The following PSMF1 variants were observed in gnomAD, a reference collection of about 807,000 sequenced individuals.
PSMF1 encodes the protein proteasome inhibitor subunit 1.
In PSMF1, 30 loss-of-function variants were observed where a neutral mutation model predicts 29.3. The ratio of observed to expected loss-of-function variants is 1.02; its 90% CI spans 0.77 to 1.39. The LOEUF (loss-of-function observed/expected upper bound fraction) is 1.39, where lower values mean the gene tolerates loss of function less well. PSMF1 is among the 40% of genes most tolerant of loss of function. The probability of loss-of-function intolerance (pLI) is 0.00; values close to 1 mark genes in which losing one functional copy is unlikely to be tolerated. For missense variants in PSMF1, 344 were observed against 357.5 expected (o/e 0.96, Z 0.31); for synonymous variants, 134 against 139.7 (o/e 0.96, Z 0.29).
upstream of PSMF1, among the ~76,000 whole-genome samples, chr20:1,116,940 G>A (rs575378166): frequency 3.2e-4 from 49 of 152,318 alleles, no homozygotes; most frequent in Non-Finnish European, 1.2e-4. Flanking sequence ...CCAGGAAGAG[G>A]AACGCAAAGG....
At chr20:1,151,680 A>G (rs1342246127) in intron 4 of PSMF1, among the ~76,000 whole-genome samples, 1 of 152,218 alleles carries the variant, frequency 6.6e-6, no homozygotes, top group Non-Finnish European at 1.5e-5. Flanking sequence ...TTCATTCCAG[A>G]TCATAAATCT....
chr20:1,146,806 G>A (rs1370005533), intron 4 of PSMF1, among the ~76,000 whole-genome samples: 1 of 152,180 alleles, frequency 6.6e-6, no homozygotes, highest in Non-Finnish European at 1.5e-5. Context: ...AATAATTATA[G>A]CTGTGTCAAA....
chr20:1,135,345 T>A, intron 4 of PSMF1, 39 bp downstream of exon 4: 1 of 1,554,794 alleles, frequency 6.4e-7, no homozygotes, highest in Non-Finnish European at 8.7e-7. Flanking sequence ...CATGCTTCTG[T>A]AGAGGGATTC....
chr20:1,127,561 A>G (rs1410876655), intron 3 of PSMF1, 53 bp downstream of exon 3: 2 of 1,415,980 alleles, frequency 1.4e-6, no homozygotes, highest in Non-Finnish European at 2.0e-6. Flanking sequence ...AACTAATGGC[A>G]AGATATGAGG....
chr20:1,164,993 A>G lies in PSMF1; in HGVS notation c.765-36A>G, dbSNP rs374673008. 7.3e-5 allele frequency: 114 copies of G among 1,565,908 alleles called. No individual in the cohort carries two copies. The highest frequency in any genetic ancestry group is 2.6e-6 in the Non-Finnish European group (3 of 1,136,416). On this transcript the variant is annotated intron_variant, in intron 6 of 6. Transcript: ENST00000335877. This position sits in a 1 kb window ranked among gnomAD's most constrained non-coding sequence, Gnocchi z 4.1. ...CTGCCCATGTTCCCCTGGTCTCTCC[A>G]TCACTCCAACTCATCAGCCCCTCTT...
upstream of PSMF1, among the ~76,000 whole-genome samples, chr20:1,113,849 G>A (rs906409530): frequency 3.9e-5 from 6 of 152,054 alleles, no homozygotes; most frequent in South Asian, 4.2e-4. Context: ...CCGCCACCAC[G>A]CCCGGCTAAT....
At chr20:1,127,574 T>C (rs2086175283) in intron 3 of PSMF1, 66 bp downstream of exon 3, 6 of 1,310,476 alleles carry the variant, frequency 4.6e-6, no homozygotes, top group African/African-American at 4.4e-5. Context: ...ATATGAGGAA[T>C]AGGGTGGATG....
At chr20:1,157,362 T>G (rs2086606803) in intron 4 of PSMF1, among the ~76,000 whole-genome samples, 1 of 152,202 alleles carries the variant, frequency 6.6e-6, no homozygotes, top group South Asian at 2.1e-4. Context: ...CAACTTGAAC[T>G]GATACACATC....
intron 1 of PSMF1, among the ~76,000 whole-genome samples, chr20:1,123,799 C>T (rs2086120334): frequency 6.6e-6 from 1 of 152,222 alleles, no homozygotes; most frequent in Non-Finnish European, 1.5e-5. Context: ...TTTAAATGCC[C>T]ACCAGCAGGG....
intron 4 of PSMF1, among the ~76,000 whole-genome samples, chr20:1,138,784 C>T (rs1372068503): frequency 2.0e-5 from 3 of 151,604 alleles, no homozygotes; most frequent in Non-Finnish European, 1.5e-5. Context: ...GTCATCACAC[C>T]ACTGCACTCC....
rs577632308 is a variant in PSMF1, at chr20:1,168,877, G to A, written c.*3797G>A. 2.6e-5 allele frequency among the ~76,000 whole-genome samples: 4 copies of A among 152,270 alleles called. No homozygotes were observed. The highest frequency in any genetic ancestry group is 2.1e-4 in the South Asian group (1 of 4,816). ...CAGGGCAAGGGAAGATTCCCCACAT[G>A]TATATCCCCAGCTGTTTCTGTCATA... On this transcript the variant is annotated 3_prime_UTR_variant, in exon 7 of 7. Transcript: ENST00000335877.
chr20:1,165,055 C>T lies in PSMF1; in HGVS notation c.791C>T (p.Pro264Leu). The change falls in exon 7 of 7, where the codon CCG becomes CTG. Residue 264 changes from proline (P) to leucine (L), a missense_variant. By Grantham distance (98) the Pro-to-Leu change is moderately conservative (BLOSUM62 -3). Coordinates refer to ENST00000335877, the MANE Select transcript of PSMF1 (RefSeq NM_006814.5). Reference sequence around the variant, plus strand: ...CCTAACCCAGACCATCTCCCCCCGCCGGGCTACGATGACATGTACCTGTGA... The same window carrying T: ...CCTAACCCAGACCATCTCCCCCCGCTGGGCTACGATGACATGTACCTGTGA... ...PGPNPDHLPP[P>L]GYDDMYL 2 of 1,614,132 alleles carry T rather than the reference C, an allele frequency of 1.2e-6. No individual in the cohort carries two copies. The highest frequency in any genetic ancestry group is 1.7e-6 in the Non-Finnish European group (2 of 1,180,034).
intron 4 of PSMF1, chr20:1,161,441 C>T (rs910907960): frequency 2.2e-6 from 1 of 452,012 alleles, no homozygotes. Context: ...TGGGCATCCA[C>T]AAGGACCTGT....
In PSMF1 at chr20:1,134,534, C is replaced by A. The variant is rs143290464; in HGVS notation, c.366-587C>A. Among the ~76,000 whole-genome samples the A allele has an allele frequency of 5.1e-3, 769 of 152,200 alleles. 2 individuals carry two copies. Among genetic ancestry groups the A allele is most frequent in the Non-Finnish European group, 7.1e-3 (481 of 68,008 alleles). Reference sequence around the variant, plus strand: ...TGTTTTAGGAAGCCTGGAGTCCTGCCCACTCTGTTACCTCAGCCTGCCTCC... The same window carrying A: ...TGTTTTAGGAAGCCTGGAGTCCTGCACACTCTGTTACCTCAGCCTGCCTCC... On this transcript the variant is annotated intron_variant, in intron 3 of 6. Coordinates refer to ENST00000335877, the MANE Select transcript of PSMF1 (RefSeq NM_006814.5).
intron 4 of PSMF1, among the ~76,000 whole-genome samples, chr20:1,140,087 C>G (rs542307600): frequency 6.6e-6 from 1 of 152,280 alleles, no homozygotes; most frequent in South Asian, 2.1e-4. Context: ...TTTTCCCCCC[C>G]AGAAATTGGC....
chr20:1,156,997 C>G (rs552847892), intron 4 of PSMF1, among the ~76,000 whole-genome samples: 2 of 152,208 alleles, frequency 1.3e-5, no homozygotes, highest in African/African-American at 4.8e-5. Flanking sequence ...ATCACAAGGT[C>G]CCACAATAGG....
At position 1,171,567 on chromosome 20, in the gene PSMF1, G is replaced by A. The variant is rs1353192056; in HGVS notation, c.*6487G>A. Among the ~76,000 whole-genome samples, 1 of 152,190 alleles carries A rather than the reference G, an allele frequency of 6.6e-6. No individual in the cohort carries two copies. Among genetic ancestry groups the A allele is most frequent in the Non-Finnish European group, 1.5e-5 (1 of 68,040 alleles). The stretch of plus-strand genomic sequence containing the variant: ...GTAAGCACTGTCCAAATCAGTCATG[G>A]AGGTCCCTGAGTGACAAAAATATGC... On this transcript the variant is annotated 3_prime_UTR_variant, in exon 7 of 7. Coordinates refer to ENST00000335877, the MANE Select transcript of PSMF1 (RefSeq NM_006814.5).
chr20:1,147,165 CATCATCAT>C (rs1336610162), intron 4 of PSMF1, among the ~76,000 whole-genome samples: 6 of 115,728 alleles, frequency 5.2e-5, no homozygotes, highest in East Asian at 2.2e-4. Context: ...TCATCATCAT[CATCATCAT>C]CATCACCACC....
At chr20:1,144,090 C>G (rs1235618208) in intron 4 of PSMF1, among the ~76,000 whole-genome samples, 1 of 150,772 alleles carries the variant, frequency 6.6e-6, no homozygotes. Flanking sequence ...TCCGTCCCCC[C>G]CAAAAAAAGA....
Sources: allele counts gnomAD v4.1 joint callset (sites outside exome capture counted in the v4.1 genomes callset), GRCh38; gene constraint gnomAD v4.1.1; non-coding constraint Gnocchi (gnomAD v3.1); transcripts MANE v1.5; gene names NCBI Gene and HGNC (gene_info 2026-07-23, HGNC 2026-07-21).